Variants in SVIL observed in about 807,000 individuals in gnomAD.
The protein encoded by SVIL is supervillin, also known as archvillin.
SVIL carries 101 observed loss-of-function variants against 240.4 expected under a neutral mutation model. That is an observed-to-expected ratio of 0.42 (90% CI 0.36 to 0.50). SVIL has a LOEUF of 0.50. Among genes scored for constraint, SVIL ranks in the 20% least tolerant of loss-of-function variants. The pLI, the probability that SVIL is intolerant of heterozygous loss-of-function variation, is 0.01. For synonymous variants in SVIL, 999 were observed against 1,100.0 expected, an observed-to-expected ratio of 0.91 and a Z score of 1.82; for missense variants, 2,512 against 2,818.7, an observed-to-expected ratio of 0.89 and a Z score of 2.46.
intron 17 of SVIL, among the ~76,000 whole-genome samples, chr10:29,507,121 T>C (rs530705731): frequency 2.0e-4 from 31 of 152,118 alleles, no homozygotes; most frequent in Non-Finnish European, 3.5e-4. Context: ...TGGTCTCTAG[T>C]TTTAATAGGG....
At position 29,624,632 on chromosome 10, in the gene SVIL, T is replaced by C. The variant is rs373536016; in HGVS notation, c.-201+9788A>G. Among the ~76,000 whole-genome samples, 77 of 152,272 alleles carry C rather than the reference T, an allele frequency of 5.1e-4. No individual in the cohort carries two copies. In the South Asian group the frequency reaches 9.9e-3, roughly 20 times the overall value. ...AATAACAATTTGACTTCACCTGCCT[T>C]AGGTTACTGTTTTTTAAAAGTAAAA... is the stretch of plus-strand genomic sequence containing the variant. On this transcript the variant is annotated intron_variant, in intron 1 of 37. Transcript: ENST00000355867.
rs577117797 is a variant in SVIL at position 29,506,838 on chromosome 10, G to A, written c.3516+5897C>T. Among the ~76,000 whole-genome samples the A allele has an allele frequency of 2.1e-5, 3 of 143,608 alleles. No individual in the cohort carries two copies. In the East Asian group the frequency reaches 6.6e-4, roughly 32 times the overall value. 94.2% of individuals were successfully genotyped at this position (143,608 alleles called of 152,430 possible). A position where few individuals can be genotyped will look rare whatever the true frequency, so the allele number is the denominator to read the frequency against. On this transcript the variant is annotated intron_variant, in intron 17 of 37. Transcript: ENST00000355867. ...CTACAGGGAAGGGACAGAGGCCCTAGGAGGGAAGGGACAGAGGCCCTAGGA... is the reference window on the plus strand; with the variant it reads ...CTACAGGGAAGGGACAGAGGCCCTAAGAGGGAAGGGACAGAGGCCCTAGGA...
At chr10:29,479,889 G>A (rs1946640304) in intron 29 of SVIL, among the ~76,000 whole-genome samples, 1 of 152,114 alleles carries the variant, frequency 6.6e-6, no homozygotes, top group Admixed American at 6.5e-5. Context: ...CTCCTCCTTG[G>A]CAATGAAAGG....
chr10:29,629,387 T>G (rs1399169068), intron 1 of SVIL, among the ~76,000 whole-genome samples: 2 of 152,044 alleles, frequency 1.3e-5, no homozygotes, highest in Non-Finnish European at 2.9e-5. Flanking sequence ...TCAAAGCAGG[T>G]CCTCAGACAG....
Position 29,546,396 on chromosome 10 carries a change from A to G in SVIL, c.827+4201T>C, listed in dbSNP as rs202086079. 2.0e-4 allele frequency among the ~76,000 whole-genome samples: 31 copies of G among 152,354 alleles called. No homozygotes were observed. The East Asian group carries it at 5.4e-3, about 27-fold the overall frequency. On this transcript the variant is annotated intron_variant, in intron 6 of 37. Coordinates refer to ENST00000355867, the MANE Select transcript of SVIL (RefSeq NM_021738.3). ...AGTTTTCTTCAGAGCAATGTGTCCA[A>G]CTGAATTCCTGGGCATCTAACAGGA...
At chr10:29,625,018 A>G (rs553011541) in intron 1 of SVIL, among the ~76,000 whole-genome samples, 1 of 152,318 alleles carries the variant, frequency 6.6e-6, no homozygotes, top group Non-Finnish European at 1.5e-5. Context: ...TCTAGCTTAT[A>G]TACAATCAGC....
intron 16 of SVIL, among the ~76,000 whole-genome samples, chr10:29,514,853 G>A (rs1006999771): frequency 2.0e-4 from 31 of 152,192 alleles, no homozygotes; most frequent in Admixed American, 2.0e-3. Context: ...GAGATGGGAT[G>A]AGATATATTC....
chr10:29,543,615 GC>G (rs1952365604), intron 6 of SVIL, among the ~76,000 whole-genome samples: 1 of 151,966 alleles, frequency 6.6e-6, no homozygotes, highest in Admixed American at 6.6e-5. Context: ...GGGTACACGT[GC>G]TCTCTTGCCT....
intron 1 of SVIL, among the ~76,000 whole-genome samples, chr10:29,714,790 T>C (rs1963515023): frequency 6.6e-6 from 1 of 151,224 alleles, no homozygotes; most frequent in Non-Finnish European, 1.5e-5. Flanking sequence ...TGAGAGCCCA[T>C]CTCTACAAAA....
In SVIL at chr10:29,563,271, G is replaced by A. The variant is rs1954676355; in HGVS notation, c.-121C>T. On this transcript the variant is annotated 5_prime_UTR_variant, in exon 3 of 38. Coordinates refer to ENST00000355867, the MANE Select transcript of SVIL (RefSeq NM_021738.3). Reference sequence around the variant, plus strand: ...GGTTAGCGAGCTGTTCTTTATCTTCGAGTGAGAACTCCTTCTGAAAGCTAA... The same window carrying A: ...GGTTAGCGAGCTGTTCTTTATCTTCAAGTGAGAACTCCTTCTGAAAGCTAA... The A allele has an allele frequency of 1.0e-6, 1 of 985,732 alleles. No homozygotes were observed. Among genetic ancestry groups the A allele is most frequent in the Non-Finnish European group, 1.2e-6 (1 of 829,880 alleles). 61.1% of individuals were successfully genotyped at this position (985,732 alleles called of 1,614,324 possible).
intron 33 of SVIL, among the ~76,000 whole-genome samples, chr10:29,466,172 C>T (rs967353646): frequency 6.6e-6 from 1 of 151,738 alleles, no homozygotes; most frequent in Admixed American, 6.6e-5. Context: ...TGTATATATG[C>T]ATATCTATAC....
Position 29,571,135 on chromosome 10 carries a change from G to A in SVIL, c.-200-1823C>T, listed in dbSNP as rs149096914. On this transcript the variant is annotated intron_variant, in intron 1 of 37. Transcript: ENST00000355867. The stretch of plus-strand genomic sequence containing the variant: ...AAACTGGGTTGAGATTTTTCACAGT[G>A]CAGGACTAGAGCGACCAGGCACTTG... Among the ~76,000 whole-genome samples the A allele has an allele frequency of 4.1e-3, 626 of 152,318 alleles. 5 individuals are homozygous for A. The highest frequency in any genetic ancestry group is 0.01 in the Middle Eastern group (3 of 294).
At chr10:29,642,470 C>CAAGAAAGAAA (rs1564729823) in intron 3 of SVIL, among the ~76,000 whole-genome samples, 1,447 of 69,508 alleles carry the variant, frequency 0.021, 42 homozygotes, top group South Asian at 0.034. Context: ...AAAGAAAGAC[C>CAAGAAAGAAA]GACCCCTAAT....
At chr10:29,531,148 C>A in intron 10 of SVIL, 106 bp downstream of exon 10, 1 of 1,071,402 alleles carries the variant, frequency 9.3e-7, no homozygotes, top group South Asian at 1.4e-5. Context: ...AAGGGAGACA[C>A]TGTTATGCTC....
At chr10:29,703,861 G>C (rs1962701329) in intron 1 of SVIL, among the ~76,000 whole-genome samples, 2 of 152,124 alleles carry the variant, frequency 1.3e-5, no homozygotes, top group African/African-American at 4.8e-5. Flanking sequence ...GGGTGCACTG[G>C]TGTGATCACA....
chr10:29,579,971 C>T (rs865880128), intron 1 of SVIL, among the ~76,000 whole-genome samples: 1 of 151,950 alleles, frequency 6.6e-6, no homozygotes, highest in African/African-American at 2.4e-5. Context: ...GATGAGAAAA[C>T]CAGGATAGTG....
At position 29,486,660 on chromosome 10, in the gene SVIL, A is replaced by C. The variant is rs1456113110; in HGVS notation, c.4486-103T>G. 4 of 1,413,782 alleles carry C rather than the reference A, an allele frequency of 2.8e-6. No individual in the cohort carries two copies. The Admixed American group carries it at 5.9e-5, about 21-fold the overall frequency. The allele number at this position is 1,413,782 out of a possible 1,614,324, so 87.6% of individuals were successfully genotyped here. On this transcript the variant is annotated intron_variant, in intron 24 of 37. Transcript: ENST00000355867. The stretch of plus-strand genomic sequence containing the variant: ...GGAGAAACAGTGTGCCTGCAAGGAA[A>C]GCCTTGTGACCACGGGTGTGGGTGG...
Position 29,537,145 on chromosome 10 carries a change from G to A in SVIL, c.828-1076C>T, listed in dbSNP as rs570573565. On this transcript the variant is annotated intron_variant, in intron 6 of 37. Transcript: ENST00000355867. ...TAAAAATAAAATAAAATAAGTCAAT[G>A]GGATCACATTTTTAGTTGCTATTAC... is the stretch of plus-strand genomic sequence containing the variant. 9.2e-5 allele frequency among the ~76,000 whole-genome samples: 14 copies of A among 152,114 alleles called. No individual in the cohort carries two copies. The South Asian group carries it at 2.9e-3, about 32-fold the overall frequency.
In SVIL at chr10:29,458,216, T is replaced by A. The variant is rs373928793; in HGVS notation, c.*31A>T. 1.1e-5 allele frequency: 17 copies of A among 1,607,794 alleles called. No homozygotes were observed. Among genetic ancestry groups the A allele is most frequent in the Non-Finnish European group, 1.4e-5 (16 of 1,175,516 alleles). On this transcript the variant is annotated 3_prime_UTR_variant, in exon 38 of 38. Transcript: ENST00000355867. ...CCTGGTGCAGTGGTGTTGTTGGACG[T>A]GACCGTGAGGCTCCTCTGGCGTCTC... is the stretch of plus-strand genomic sequence containing the variant.
Sources: allele counts gnomAD v4.1 joint callset (sites outside exome capture counted in the v4.1 genomes callset), GRCh38; gene constraint gnomAD v4.1.1; transcripts MANE v1.5; gene names NCBI Gene and HGNC (gene_info 2026-07-23, HGNC 2026-07-21).